The following MAPK10 variants were observed in gnomAD, a reference collection of about 807,000 sequenced individuals.
MAPK10 encodes the protein mitogen-activated protein kinase 10.
MAPK10 carries 25 observed loss-of-function variants against 59.3 expected under a neutral mutation model. The ratio of observed to expected loss-of-function variants is 0.42; its 90% confidence interval spans 0.31 to 0.59. The LOEUF (loss-of-function observed/expected upper bound fraction) is 0.59. Ranked by LOEUF, MAPK10 falls within the 20% of genes least tolerant of loss-of-function variation. The pLI is 0.15. For missense variants in MAPK10, 351 were observed against 568.9 expected, an observed-to-expected ratio of 0.62 and a Z score of 3.90; for synonymous variants, 190 against 200.5, an observed-to-expected ratio of 0.95 and a Z score of 0.44.
intron 1 of MAPK10, among the ~76,000 whole-genome samples, chr4:86,539,124 T>A (rs1349915522): frequency 6.6e-6 from 1 of 152,058 alleles, no homozygotes; most frequent in African/African-American, 2.4e-5. Flanking sequence ...GAATATATTC[T>A]AAGGAAGAAA....
At chr4:86,581,414 T>G (rs1578175398) in intron 1 of MAPK10, among the ~76,000 whole-genome samples, 1 of 152,176 alleles carries the variant, frequency 6.6e-6, no homozygotes, top group African/African-American at 2.4e-5. Context: ...AGGTTGAAAT[T>G]AGTAATGTGT....
intron 2 of MAPK10, among the ~76,000 whole-genome samples, chr4:86,280,463 C>T (rs2094753775): frequency 6.6e-6 from 1 of 152,084 alleles, no homozygotes; most frequent in Non-Finnish European, 1.5e-5. Context: ...CAGATGCTGG[C>T]AAGGCTGCGA....
In MAPK10 at chr4:86,359,770, G is replaced by A; in HGVS notation, c.-234C>T. The A allele has an allele frequency of 4.1e-6, 4 of 985,520 alleles. No individual in the cohort carries two copies. Among genetic ancestry groups the A allele is most frequent in the Non-Finnish European group, 4.8e-6 (4 of 829,770 alleles). 61.0% of individuals were successfully genotyped at this position (985,520 alleles called of 1,614,324 possible). A position where few individuals can be genotyped will look rare whatever the true frequency, so the allele number is the denominator to read the frequency against. ...ACTAACATGGAAGAGATTCTTTGGA[G>A]ATATGGAGATTGTTTAAAATTAACG... On this transcript the variant is annotated 5_prime_UTR_variant, in exon 1 of 14. Transcript: ENST00000641462.
intron 2 of MAPK10, among the ~76,000 whole-genome samples, chr4:86,329,283 T>C (rs17409687): frequency 0.032 from 4,819 of 152,364 alleles, 112 homozygotes; most frequent in Middle Eastern, 0.088. Context: ...GTAAACTCTA[T>C]TGGTATGGTA....
At chr4:86,394,675 T>C (rs1162071451) in intron 1 of MAPK10, among the ~76,000 whole-genome samples, 4 of 152,202 alleles carry the variant, frequency 2.6e-5, no homozygotes, top group Non-Finnish European at 5.9e-5. Flanking sequence ...GAAAGGGATG[T>C]CAGGGAAAAT....
intron 8 of MAPK10, chr4:86,098,959 T>C (rs2054771402): frequency 1.0e-5 from 2 of 195,016 alleles, no homozygotes; most frequent in South Asian, 1.1e-4. Flanking sequence ...ATTTTCCGGA[T>C]GCATAGAAAA....
At chr4:86,466,536 C>T (rs1752221465) in intron 1 of MAPK10, among the ~76,000 whole-genome samples, 1 of 152,194 alleles carries the variant, frequency 6.6e-6, no homozygotes, top group Non-Finnish European at 1.5e-5. Context: ...AGGGTCTCCA[C>T]AACCGAGCTT....
chr4:86,157,891 T>A (rs2149224740), intron 4 of MAPK10, among the ~76,000 whole-genome samples: 1 of 152,092 alleles, frequency 6.6e-6, no homozygotes, highest in South Asian at 2.1e-4. Flanking sequence ...GCCACAAATC[T>A]GTGGCAGGTC....
chr4:86,495,265 T>C (rs1754791289), intron 1 of MAPK10, among the ~76,000 whole-genome samples: 1 of 152,218 alleles, frequency 6.6e-6, no homozygotes, highest in Non-Finnish European at 1.5e-5. Context: ...AATTTATTGG[T>C]ATTTTAAATG....
At chr4:86,181,238 A>G (rs777728922) in intron 3 of MAPK10, among the ~76,000 whole-genome samples, 15 of 152,028 alleles carry the variant, frequency 9.9e-5, no homozygotes, top group Non-Finnish European at 1.9e-4. Context: ...TGGTAAAATC[A>G]ATAATCAATC....
At chr4:86,207,974 A>G (rs2084616114) in intron 2 of MAPK10, among the ~76,000 whole-genome samples, 1 of 152,140 alleles carries the variant, frequency 6.6e-6, no homozygotes, top group Non-Finnish European at 1.5e-5. Context: ...TTCTAGATAT[A>G]CAATTGAAAA....
intron 2 of MAPK10, among the ~76,000 whole-genome samples, chr4:86,311,800 G>A (rs940046217): frequency 1.5e-4 from 23 of 152,064 alleles, no homozygotes; most frequent in African/African-American, 4.8e-4. Context: ...CAGGAAGTGT[G>A]AAGACACTGT....
chr4:86,143,024 G>T (rs1349875033), intron 4 of MAPK10, among the ~76,000 whole-genome samples: 1 of 152,184 alleles, frequency 6.6e-6, no homozygotes, highest in Non-Finnish European at 1.5e-5. Context: ...AAGGAAAGAG[G>T]TTTAATTGAC....
intron 4 of MAPK10, among the ~76,000 whole-genome samples, chr4:86,109,037 T>C (rs538453386): frequency 6.6e-6 from 1 of 152,182 alleles, no homozygotes; most frequent in South Asian, 2.1e-4. Context: ...AATGTGGACC[T>C]TGTGCTAAAT....
intron 2 of MAPK10, among the ~76,000 whole-genome samples, chr4:86,288,980 G>T (rs2095128803): frequency 6.7e-6 from 1 of 149,660 alleles, no homozygotes; most frequent in Non-Finnish European, 1.5e-5. Flanking sequence ...GATAAACAAA[G>T]AATAAAATAA....
At chr4:86,265,983 G>A (rs149209067) in intron 2 of MAPK10, among the ~76,000 whole-genome samples, 7 of 152,084 alleles carry the variant, frequency 4.6e-5, no homozygotes, top group South Asian at 2.1e-4. Context: ...CAGCATTTTC[G>A]CATCTAACAA....
chr4:86,183,136 GT>G (rs202234999), intron 3 of MAPK10, among the ~76,000 whole-genome samples: 19,835 of 146,584 alleles, frequency 0.14, 1,355 homozygotes, highest in African/African-American at 0.18. Context: ...GTTTTGGCTG[GT>G]TTTTTTTTAT....
At chr4:86,468,458 AT>A (rs796855858) in intron 1 of MAPK10, among the ~76,000 whole-genome samples, 5 of 152,346 alleles carry the variant, frequency 3.3e-5, no homozygotes, top group African/African-American at 1.2e-4. Flanking sequence ...TTATTTTATA[AT>A]ATGAACCAGA....
intron 1 of MAPK10, among the ~76,000 whole-genome samples, chr4:86,507,901 G>A (rs1261016532): frequency 1.3e-5 from 2 of 150,134 alleles, no homozygotes; most frequent in African/African-American, 2.5e-5. Context: ...TTGCACAAAG[G>A]CCATTGCAAC....
Sources: allele counts gnomAD v4.1 joint callset (sites outside exome capture counted in the v4.1 genomes callset), GRCh38; gene constraint gnomAD v4.1.1; transcripts MANE v1.5; gene names NCBI Gene and HGNC (gene_info 2026-07-23, HGNC 2026-07-21).